The following HTT variants were observed in gnomAD, a reference collection of about 807,000 sequenced individuals.
HTT encodes huntingtin, also known as huntington disease protein.
HTT carries 104 observed loss-of-function variants against 362.3 expected under a neutral mutation model. That is an observed-to-expected ratio of 0.29 (90% CI 0.24 to 0.34). The LOEUF is 0.34. Ranked by LOEUF, HTT falls within the 10% of genes least tolerant of loss-of-function variation. The probability of loss-of-function intolerance (pLI) is 1.00; values close to 1 mark genes in which losing one functional copy is unlikely to be tolerated. For missense variants in HTT, 3,301 were observed against 3,928.6 expected, an observed-to-expected ratio of 0.84 and a Z score of 4.27; for synonymous variants, 1,577 against 1,548.7, an observed-to-expected ratio of 1.02 and a Z score of -0.43.
Position 3,228,467 on chromosome 4 carries a change from T to G in HTT, c.7849-148T>G. ...GCCCCACCCTCTCTGTGGGCTCCCTTGCCCGTAACCTGGGGTGTCTGAACG... is the reference window on the plus strand; with the variant it reads ...GCCCCACCCTCTCTGTGGGCTCCCTGGCCCGTAACCTGGGGTGTCTGAACG... On this transcript the variant is annotated intron_variant, in intron 57 of 66. Coordinates refer to ENST00000355072, the MANE Select transcript of HTT (RefSeq NM_001388492.1). The surrounding 1 kb of genome is among the most constrained non-coding windows in gnomAD (Gnocchi z 4.3). 1.3e-6 allele frequency: 1 copy of G among 797,906 alleles called. No homozygotes were observed. Among genetic ancestry groups the G allele is most frequent in the Non-Finnish European group, 1.9e-6 (1 of 539,604 alleles). The allele number at this position is 797,906 out of a possible 1,614,324, so 49.4% of individuals were successfully genotyped here.
At chr4:3,155,888 A>T (rs1717118651) in intron 27 of HTT, among the ~76,000 whole-genome samples, 1 of 148,038 alleles carries the variant, frequency 6.8e-6, no homozygotes, top group African/African-American at 2.5e-5. Flanking sequence ...ATAGAGCGAG[A>T]CTCCGTCTCA....
At chr4:3,090,250 C>G (rs1356123225) in intron 2 of HTT, among the ~76,000 whole-genome samples, 2 of 152,180 alleles carry the variant, frequency 1.3e-5, no homozygotes, top group African/African-American at 4.8e-5. Context: ...CTGCTTTAAG[C>G]TCTCTAAAGT....
intron 10 of HTT, among the ~76,000 whole-genome samples, chr4:3,124,500 T>TG (rs1030648768): frequency 6.6e-6 from 1 of 152,096 alleles, no homozygotes; most frequent in African/African-American, 2.4e-5. Flanking sequence ...GTGAAAGTAG[T>TG]GGGGGTGTCC....
At chr4:3,225,539 G>T in intron 56 of HTT, 122 bp from the exon 57 acceptor site, 1 of 736,992 alleles carries the variant, frequency 1.4e-6, no homozygotes, top group Non-Finnish European at 2.3e-6. Flanking sequence ...TCCTGCCAGT[G>T]GCGGCGAGGG....
At chr4:3,150,392 C>T (rs1471465521) in intron 26 of HTT, among the ~76,000 whole-genome samples, 3 of 151,666 alleles carry the variant, frequency 2.0e-5, no homozygotes, top group African/African-American at 4.8e-5. Flanking sequence ...GGCTGTTCTC[C>T]TGTCTTCAGT....
At chr4:3,172,445 C>T in intron 30 of HTT, 48 bp downstream of exon 30, 1 of 1,171,680 alleles carries the variant, frequency 8.5e-7, no homozygotes, top group East Asian at 2.3e-5. Context: ...TCGGGTATGA[C>T]AGCAAAACGC....
chr4:3,149,638 T>C (rs1716782267), intron 26 of HTT, among the ~76,000 whole-genome samples: 1 of 152,162 alleles, frequency 6.6e-6, no homozygotes, highest in Non-Finnish European at 1.5e-5. Flanking sequence ...ACTGTTTATA[T>C]CTGATTACTC....
At chr4:3,233,466 C>T in intron 61 of HTT, 113 bp downstream of exon 61, 3 of 1,042,094 alleles carry the variant, frequency 2.9e-6, no homozygotes, top group Non-Finnish European at 4.3e-6. Context: ...GGCCAGGTAT[C>T]AGTGGGAACC....
At chr4:3,118,149 A>G (rs1462026128) in intron 8 of HTT, among the ~76,000 whole-genome samples, 1 of 151,976 alleles carries the variant, frequency 6.6e-6, no homozygotes, top group Non-Finnish European at 1.5e-5. Context: ...TCTTCTCTGT[A>G]TTTCCTGTAA....
Position 3,122,921 on chromosome 4 carries a change from TC to T in HTT, c.1307del (p.Ser436Ter). 2 of 1,611,306 alleles carry T rather than the reference TC, an allele frequency of 1.2e-6. No individual in the cohort carries two copies. The highest frequency in any genetic ancestry group is 1.7e-6 in the Non-Finnish European group (2 of 1,178,562). On this transcript the variant is annotated frameshift_variant, in exon 10 of 67. Transcript: ENST00000355072. LOFTEE classifies it high-confidence loss of function. ...GGGTTCCTCATGCAGCCCTGTCCTT[TC>T]AAGAAAACAAAAAGGTGATTATTTC... Reference protein sequence around the residue: ...GGGSSCSPVLSRKQKGKVLLG... With the variant: ...GGGSSCSPVLXRKQKGKVLLG...
chr4:3,117,388 A>G (rs1715082567), intron 8 of HTT, among the ~76,000 whole-genome samples: 1 of 152,090 alleles, frequency 6.6e-6, no homozygotes, highest in African/African-American at 2.4e-5. Context: ...CCACACATAC[A>G]AAAGTATCAA....
At chr4:3,091,142 C>A (rs535314175) in intron 2 of HTT, among the ~76,000 whole-genome samples, 1 of 151,830 alleles carries the variant, frequency 6.6e-6, no homozygotes, top group South Asian at 2.1e-4. Context: ...AAAAAGAAAT[C>A]AACACTAATA....
At chr4:3,171,729 G>C (rs773751327) in intron 29 of HTT, among the ~76,000 whole-genome samples, 1 of 152,160 alleles carries the variant, frequency 6.6e-6, no homozygotes, top group Non-Finnish European at 1.5e-5. Flanking sequence ...CACCTGCCTC[G>C]ATCTCCCAAA....
chr4:3,114,455 G>A (rs1362506888), intron 6 of HTT, among the ~76,000 whole-genome samples: 1 of 152,238 alleles, frequency 6.6e-6, no homozygotes, highest in Non-Finnish European at 1.5e-5. Flanking sequence ...CTGAGAAACA[G>A]ACTATGCTAA....
chr4:3,198,925 C>T (rs913589350), intron 40 of HTT, among the ~76,000 whole-genome samples: 3 of 152,202 alleles, frequency 2.0e-5, no homozygotes, highest in Admixed American at 6.5e-5. Context: ...GAGCCTGGAC[C>T]GCAGGGGGGT....
At position 3,136,274 on chromosome 4, in the gene HTT, C is replaced by T; in HGVS notation, c.2746C>T (p.Leu916Phe). 6.2e-7 allele frequency: 1 copy of T among 1,612,416 alleles called. No homozygotes were observed. Among genetic ancestry groups the T allele is most frequent in the South Asian group, 1.1e-5 (1 of 91,000 alleles). ...RVLNNVVIHL[L>F]GDEDPRVRHV... ...GCTCAATAATGTTGTCATCCATTTGCTTGGAGATGAAGACCCCAGGGTGCG... is the reference window on the plus strand; with the variant it reads ...GCTCAATAATGTTGTCATCCATTTGTTTGGAGATGAAGACCCCAGGGTGCG... The change falls in exon 21 of 67, where the codon CTT (leucine) becomes TTT (phenylalanine). Residue 916 changes from leucine (L) to phenylalanine (F), a missense_variant. Coordinates refer to ENST00000355072, the MANE Select transcript of HTT (RefSeq NM_001388492.1).
chr4:3,224,111 C>T lies in HTT; in HGVS notation c.7745C>T (p.Ser2582Phe). 1 of 1,614,078 alleles carries T rather than the reference C, an allele frequency of 6.2e-7. No individual in the cohort carries two copies. Among genetic ancestry groups the T allele is most frequent in the African/African-American group, 1.3e-5 (1 of 75,042 alleles). ...TATCAGGCATGGGATCCTGTCCCTT[C>T]TCTGTCTCCGGCTACTACAGGTACC... is the stretch of plus-strand genomic sequence containing the variant. The part of the protein sequence containing the change: ...HLYQAWDPVP[S>F]LSPATTGALI... Residue 2582 changes from serine to phenylalanine, a missense_variant, in exon 56 of 67, where the codon TCT (serine) becomes TTT (phenylalanine). Around this residue, in one of 4 missense-constraint regions of HTT, gnomAD observed 753 missense variants for 1,021.3 expected, o/e 0.74. Transcript: ENST00000355072.
At chr4:3,095,026 G>A (rs1054655074) in intron 2 of HTT, among the ~76,000 whole-genome samples, 10 of 151,086 alleles carry the variant, frequency 6.6e-5, no homozygotes, top group Admixed American at 1.3e-4. Context: ...GGGAAGAGGC[G>A]CTCCTCACTT....
chr4:3,215,005 C>T, intron 50 of HTT, 105 bp from the exon 51 acceptor site: 1 of 866,494 alleles, frequency 1.2e-6, no homozygotes. Context: ...GCTAGTCTGT[C>T]TATCCCTTTC....
Sources: gnomAD v4.1 joint callset for allele counts (sites outside exome capture counted in the v4.1 genomes callset) on GRCh38, gnomAD v4.1.1 for gene constraint, gnomAD v4.1.1 regional missense constraint, Gnocchi (gnomAD v3.1) non-coding constraint, MANE v1.5 for transcripts, NCBI Gene and HGNC (gene_info 2026-07-23, HGNC 2026-07-21) for gene names.